Variants in RAP1A observed in about 807,000 individuals in gnomAD.
RAP1A encodes RAP1A, member of RAS oncogene family.
In RAP1A, 6 loss-of-function variants were observed where a neutral mutation model predicts 26.4. The ratio of observed to expected loss-of-function variants is 0.23; its 90% CI spans 0.12 to 0.45. RAP1A has a LOEUF of 0.45. RAP1A is among the 20% of genes least tolerant of loss of function. RAP1A has a pLI of 0.99. For synonymous variants in RAP1A, 73 were observed against 79.4 expected, an observed-to-expected ratio of 0.92 and a Z score of 0.43; for missense variants, 121 against 217.2, an observed-to-expected ratio of 0.56 and a Z score of 2.78.
intron 1 of RAP1A, among the ~76,000 whole-genome samples, chr1:111,591,473 A>C (rs1023066893): frequency 6.6e-6 from 1 of 152,244 alleles, no homozygotes; most frequent in African/African-American, 2.4e-5. Context: ...AGCTTTTGTA[A>C]ATTTCTCTGC....
At chr1:111,616,467 C>T (rs1343380753), upstream of RAP1A, among the ~76,000 whole-genome samples, 1 of 152,142 alleles carries the variant, frequency 6.6e-6, no homozygotes, top group Non-Finnish European at 1.5e-5. Flanking sequence ...TGCTTCCTGT[C>T]CCCTAACCGC....
chr1:111,559,604 G>A (rs982240708), intron 1 of RAP1A, among the ~76,000 whole-genome samples: 1 of 152,022 alleles, frequency 6.6e-6, no homozygotes, highest in African/African-American at 2.4e-5. Context: ...TAATCAAATG[G>A]TATCCAATGA....
At chr1:111,552,504 T>C (rs376398805) in intron 1 of RAP1A, among the ~76,000 whole-genome samples, 4 of 152,284 alleles carry the variant, frequency 2.6e-5, no homozygotes, top group African/African-American at 4.8e-5. Context: ...TATGTTGGAG[T>C]TCATTTTCAG....
chr1:111,660,959 G>A (rs187026281), intron 1 of RAP1A, among the ~76,000 whole-genome samples: 2 of 152,154 alleles, frequency 1.3e-5, no homozygotes, highest in Non-Finnish European at 2.9e-5. Flanking sequence ...CACTCTTCTA[G>A]ATTATAAACC....
rs149590922 is a variant in RAP1A, at chr1:111,702,076, A to C, written c.184-1260A>C. Among the ~76,000 whole-genome samples the C allele has an allele frequency of 2.9e-3, 438 of 152,342 alleles. No homozygotes were observed. In the Middle Eastern group the frequency reaches 0.034, roughly 12 times the overall value. ...CTCCCTGGAATACAAGAAAGAGTAC[A>C]TCAGCCAGGGTAGAACAACCAGAAC... On this transcript the variant is annotated intron_variant, in intron 4 of 7. Transcript: ENST00000369709.
At chr1:111,633,762 T>G (rs140493266) in intron 1 of RAP1A, among the ~76,000 whole-genome samples, 2 of 152,334 alleles carry the variant, frequency 1.3e-5, no homozygotes, top group African/African-American at 4.8e-5. Context: ...TGGAATATGA[T>G]AGCATTATAA....
intron 1 of RAP1A, among the ~76,000 whole-genome samples, chr1:111,590,712 C>T (rs755893353): frequency 8.6e-5 from 13 of 151,862 alleles, no homozygotes; most frequent in Non-Finnish European, 1.8e-4. Flanking sequence ...TGAGCCACTG[C>T]GCCCGGCCTC....
At chr1:111,688,299 G>GTATGTGTA (rs1553226256) in intron 1 of RAP1A, among the ~76,000 whole-genome samples, 6,153 of 140,584 alleles carry the variant, frequency 0.044, 220 homozygotes, top group African/African-American at 0.094. Flanking sequence ...GTGTGTGTGT[G>GTATGTGTA]TATATATATT....
chr1:111,645,568 A>G (rs192747637), intron 1 of RAP1A, among the ~76,000 whole-genome samples: 2 of 152,356 alleles, frequency 1.3e-5, no homozygotes, highest in Admixed American at 6.5e-5. Context: ...ACAGGAATAC[A>G]TGGAATAGAG....
intron 1 of RAP1A, among the ~76,000 whole-genome samples, chr1:111,679,625 C>T (rs965305457): frequency 6.6e-6 from 1 of 152,092 alleles, no homozygotes; most frequent in Non-Finnish European, 1.5e-5. Flanking sequence ...TCAGCAGGTC[C>T]CAACCCCATG....
chr1:111,629,683 C>T (rs933250988), intron 1 of RAP1A, among the ~76,000 whole-genome samples: 1 of 152,064 alleles, frequency 6.6e-6, no homozygotes, highest in Non-Finnish European at 1.5e-5. Flanking sequence ...AATTAATAAG[C>T]AAATGTAACT....
At chr1:111,670,903 T>C (rs1016990856) in intron 1 of RAP1A, among the ~76,000 whole-genome samples, 1 of 152,248 alleles carries the variant, frequency 6.6e-6, no homozygotes, top group Non-Finnish European at 1.5e-5. Flanking sequence ...AAAATTTTAC[T>C]CTTGAATATG....
At chr1:111,622,496 C>G (rs969758997) in intron 1 of RAP1A, among the ~76,000 whole-genome samples, 8 of 152,208 alleles carry the variant, frequency 5.3e-5, no homozygotes, top group African/African-American at 1.9e-4. Context: ...TTCTTCAGGT[C>G]TCTGCACCAG....
intron 1 of RAP1A, among the ~76,000 whole-genome samples, chr1:111,640,975 A>C (rs2101118535): frequency 6.6e-6 from 1 of 152,310 alleles, no homozygotes; most frequent in South Asian, 2.1e-4. Flanking sequence ...AAAAACAAAA[A>C]ACACCACTAT....
intron 1 of RAP1A, chr1:111,608,790 A>G (rs1300305631): frequency 6.4e-6 from 1 of 156,674 alleles, no homozygotes; most frequent in East Asian, 1.9e-4. Context: ...AATTGCAGGC[A>G]CTCCGCAGGC....
At chr1:111,684,795 A>G (rs1661417790) in intron 1 of RAP1A, among the ~76,000 whole-genome samples, 2 of 152,220 alleles carry the variant, frequency 1.3e-5, no homozygotes, top group African/African-American at 4.8e-5. Context: ...CAAATTTCAT[A>G]TGGAACCAAA....
intron 1 of RAP1A, among the ~76,000 whole-genome samples, chr1:111,620,588 C>G (rs1441667169): frequency 2.0e-5 from 3 of 152,148 alleles, no homozygotes; most frequent in Admixed American, 1.3e-4. Flanking sequence ...CTTTATTCCC[C>G]CAGTTAATAG....
chr1:111,588,198 C>T (rs1658415252), intron 1 of RAP1A, among the ~76,000 whole-genome samples: 1 of 152,180 alleles, frequency 6.6e-6, no homozygotes, highest in Admixed American at 6.5e-5. Flanking sequence ...CCTCCTCACC[C>T]ACACATCTGA....
intron 1 of RAP1A, among the ~76,000 whole-genome samples, chr1:111,586,021 A>G (rs1329022973): frequency 1.3e-5 from 2 of 152,070 alleles, no homozygotes; most frequent in Non-Finnish European, 2.9e-5. Context: ...AAACAACACA[A>G]TTTTGCTTGT....
Sources: allele counts gnomAD v4.1 joint callset (sites outside exome capture counted in the v4.1 genomes callset), GRCh38; gene constraint gnomAD v4.1.1; transcripts MANE v1.5; gene names NCBI Gene and HGNC (gene_info 2026-07-23, HGNC 2026-07-21).